Variants in GALK1 observed in about 807,000 individuals in gnomAD.
The protein encoded by GALK1 is galactokinase.
Under a neutral mutation model 38.6 loss-of-function variants are expected in GALK1, and 30 were observed. The ratio of observed to expected loss-of-function variants is 0.78; its 90% CI spans 0.58 to 1.05. The LOEUF is 1.05. Among genes scored for constraint, GALK1 ranks in the 50% least tolerant of loss-of-function variants. The probability of loss-of-function intolerance (pLI) is 0.00; values close to 1 mark genes in which losing one functional copy is unlikely to be tolerated. For synonymous variants in GALK1, 240 were observed against 233.6 expected (o/e 1.03, Z -0.25); for missense variants, 512 against 540.5 (o/e 0.95, Z 0.52).
downstream of GALK1, chr17:75,757,127 T>C (rs769317659): frequency 5.6e-6 from 9 of 1,612,546 alleles, 1 homozygote; most frequent in South Asian, 9.9e-5. Flanking sequence ...TGTCCTTTCC[T>C]TCACCCCCAC....
rs762232345 is a variant in GALK1 at position 75,758,296 on chromosome 17, T to C, written c.1021A>G (p.Ser341Gly). 1 of 1,593,024 alleles carries C rather than the reference T, an allele frequency of 6.3e-7. No homozygotes were observed. The highest frequency in any genetic ancestry group is 1.8e-5 in the Admixed American group (1 of 56,410). The part of the protein sequence containing the change: ...AALAVPGVYG[S>G]RMTGGGFGGC... Reference sequence around the variant, plus strand: ...CCGAAGCCACCGCCCGTCATGCGGCTGCCATAAACCCCAGGCACAGCAAGC... The same window carrying C: ...CCGAAGCCACCGCCCGTCATGCGGCCGCCATAAACCCCAGGCACAGCAAGC... Residue 341 changes from serine (S) to glycine (G), a missense_variant, in exon 7 of 8, where the codon AGC becomes GGC. Coordinates refer to ENST00000588479, the MANE Select transcript of GALK1 (RefSeq NM_000154.2).
chr17:75,755,966 A>C (rs541672564), downstream of GALK1: 1 of 1,284,594 alleles, frequency 7.8e-7, no homozygotes, highest in Non-Finnish European at 1.1e-6. Flanking sequence ...TGAGCGCTAA[A>C]GCCCCCATCC....
At chr17:75,761,009 C>CCGA (rs763792683) in intron 5 of GALK1, among the ~76,000 whole-genome samples, 14 of 151,946 alleles carry the variant, frequency 9.2e-5, no homozygotes, top group Non-Finnish European at 1.6e-4. Flanking sequence ...CACGACCAGC[C>CCGA]CGACCAACAT....
chr17:75,764,306 G>A, intron 1 of GALK1: 2 of 753,404 alleles, frequency 2.7e-6, no homozygotes, highest in Non-Finnish European at 4.9e-6. Context: ...CTGGAGCACA[G>A]ACCTGGACTC....
chr17:75,756,799 C>T (rs773775709), downstream of GALK1: 25 of 1,612,502 alleles, frequency 1.6e-5, no homozygotes, highest in African/African-American at 4.0e-5. Context: ...GGAGCGGCCA[C>T]GGAGGCCCAA....
intron 1 of GALK1, chr17:75,764,382 A>G (rs1389979333): frequency 1.5e-6 from 1 of 658,480 alleles, no homozygotes; most frequent in African/African-American, 1.8e-5. Flanking sequence ...GGAGCTCCAA[A>G]GCCTTTACAT....
downstream of GALK1, chr17:75,756,388 G>C (rs750654316): frequency 6.2e-7 from 1 of 1,608,564 alleles, no homozygotes; most frequent in Non-Finnish European, 8.5e-7. Flanking sequence ...AGGGGTGGGA[G>C]TAACACTGCA....
Position 75,757,922 on chromosome 17 carries a change from T to G in GALK1, c.*134A>C. Reference sequence around the variant, plus strand: ...TCTGACACCCAAGCATACACCCACCTCTAGAGGAGGCAGGTACCACATTGG... The same window carrying G: ...TCTGACACCCAAGCATACACCCACCGCTAGAGGAGGCAGGTACCACATTGG... On this transcript the variant is annotated 3_prime_UTR_variant, in exon 8 of 8. Transcript: ENST00000588479. The G allele has an allele frequency of 1.9e-6, 2 of 1,026,380 alleles. No homozygotes were observed. The highest frequency in any genetic ancestry group is 2.9e-6 in the Non-Finnish European group (2 of 680,124). The allele number at this position is 1,026,380 out of a possible 1,614,324, so 63.6% of individuals were successfully genotyped here.
chr17:75,761,888 C>T (rs1298644631), intron 5 of GALK1, among the ~76,000 whole-genome samples: 2 of 151,440 alleles, frequency 1.3e-5, no homozygotes, highest in Non-Finnish European at 3.0e-5. Flanking sequence ...GGCGTAGTGG[C>T]GGGCGCCTGT....
downstream of GALK1, chr17:75,756,885 T>TGGCCAGG (rs763001383): frequency 3.1e-6 from 5 of 1,610,932 alleles, no homozygotes; most frequent in Admixed American, 8.3e-5. Context: ...GGGGCAGGAG[T>TGGCCAGG]GGCCAGGGGA....
At chr17:75,757,679 G>A (rs879301363), downstream of GALK1, 5 of 1,348,346 alleles carry the variant, frequency 3.7e-6, no homozygotes, top group Non-Finnish European at 5.3e-6. Flanking sequence ...CACAGAGCAG[G>A]GGCTAGGTGT....
chr17:75,758,944 G>A (rs978257981), intron 5 of GALK1, among the ~76,000 whole-genome samples: 16 of 152,306 alleles, frequency 1.1e-4, no homozygotes, highest in African/African-American at 3.6e-4. Context: ...TGGGGCTCCA[G>A]AAGAGGGGGC....
downstream of GALK1, chr17:75,754,995 C>A: frequency 6.5e-7 from 1 of 1,548,314 alleles, no homozygotes; most frequent in Non-Finnish European, 8.8e-7. Context: ...TGCATGCGCA[C>A]ACGTACACAC....
At chr17:75,755,704 C>G (rs1305333611), downstream of GALK1, 3 of 1,612,862 alleles carry the variant, frequency 1.9e-6, no homozygotes, top group Non-Finnish European at 2.5e-6. Flanking sequence ...TCCCCAGACT[C>G]TCGCCTGACT....
At chr17:75,754,906 GC>G, downstream of GALK1, 2 of 1,581,342 alleles carry the variant, frequency 1.3e-6, no homozygotes, top group Non-Finnish European at 1.7e-6. Flanking sequence ...TGTCCCCACC[GC>G]CCATTCTCCA....
At chr17:75,757,146 G>C, downstream of GALK1, 1 of 1,612,598 alleles carries the variant, frequency 6.2e-7, no homozygotes, top group Non-Finnish European at 8.5e-7. Context: ...ACCCCTCCTC[G>C]GGCCGTGCCT....
At chr17:75,757,821 C>T, downstream of GALK1, 1 of 659,546 alleles carries the variant, frequency 1.5e-6, no homozygotes, top group East Asian at 2.7e-5. Flanking sequence ...TACTGCTAGG[C>T]CCTGCCTTGC....
Position 75,765,128 on chromosome 17 carries a change from A to T in GALK1, c.9T>A (p.Ala3=). The change falls in exon 1 of 8, where the codon GCT becomes GCA. Residue 3 remains alanine (A), a synonymous_variant. Coordinates refer to ENST00000588479, the MANE Select transcript of GALK1 (RefSeq NM_000154.2). ...GCTCCGCGACCTGGGGCTGTCTCAAAGCAGCCATGACGCGCGCCTGCAGCT... is the reference window on the plus strand; with the variant it reads ...GCTCCGCGACCTGGGGCTGTCTCAATGCAGCCATGACGCGCGCCTGCAGCT... The part of the protein sequence containing the change: MA[A]LRQPQVAELL... The T allele has an allele frequency of 6.4e-7, 1 of 1,570,244 alleles. No homozygotes were observed. The highest frequency in any genetic ancestry group is 8.6e-7 in the Non-Finnish European group (1 of 1,159,912).
downstream of GALK1, chr17:75,753,918 G>A (rs1182845915): frequency 3.9e-6 from 5 of 1,287,160 alleles, no homozygotes; most frequent in African/African-American, 1.6e-5. Context: ...GACGACGGCG[G>A]CGCGGGCGGG....
Sources: allele counts gnomAD v4.1 joint callset (sites outside exome capture counted in the v4.1 genomes callset), GRCh38; gene constraint gnomAD v4.1.1; transcripts MANE v1.5; gene names NCBI Gene and HGNC (gene_info 2026-07-23, HGNC 2026-07-21).